LINGO2: variants seen among roughly 807,000 people sequenced by gnomAD.
LINGO2 encodes leucine-rich repeat and immunoglobulin-like domain-containing nogo receptor-interacting protein 2.
Under a neutral mutation model 30.6 loss-of-function variants are expected in LINGO2, and 14 were observed. The observed-to-expected ratio is 0.46, with a 90% CI of 0.30 to 0.72. The LOEUF (loss-of-function observed/expected upper bound fraction) is 0.72, where lower values mean the gene tolerates loss of function less well. Among genes scored for constraint, LINGO2 ranks in the 30% least tolerant of loss-of-function variants. The probability of loss-of-function intolerance (pLI) is 0.07; values close to 1 mark genes in which losing one functional copy is unlikely to be tolerated. For synonymous variants in LINGO2, 317 were observed against 288.5 expected (o/e 1.10, Z -1.00); for missense variants, 729 against 751.7 (o/e 0.97, Z 0.35).
chr9:28,628,376 T>G (rs983336531), intron 1 of LINGO2, among the ~76,000 whole-genome samples: 3 of 152,052 alleles, frequency 2.0e-5, no homozygotes, highest in Admixed American at 2.0e-4. Flanking sequence ...TTGCAGACAA[T>G]AAATTCACAT....
chr9:29,089,884 G>A, the LINGO2 span, among the ~76,000 whole-genome samples: 2 of 151,884 alleles, frequency 1.3e-5, no homozygotes, highest in Admixed American at 1.3e-4. Flanking sequence ...GTGAGAAAAA[G>A]GAATTTTCTG....
chr9:28,696,438 C>T, the LINGO2 span, among the ~76,000 whole-genome samples: 1 of 151,848 alleles, frequency 6.6e-6, no homozygotes, highest in East Asian at 1.9e-4. Context: ...ACATTCATTC[C>T]AAACCTACAG....
chr9:28,517,122 A>G (rs1820647953), intron 1 of LINGO2, among the ~76,000 whole-genome samples: 1 of 152,194 alleles, frequency 6.6e-6, no homozygotes, highest in Non-Finnish European at 1.5e-5. Flanking sequence ...AAGTAAGAAC[A>G]CTGTGATTCT....
intron 1 of LINGO2, among the ~76,000 whole-genome samples, chr9:28,539,965 C>T (rs575056911): frequency 6.6e-6 from 1 of 152,204 alleles, no homozygotes; most frequent in Admixed American, 6.6e-5. Flanking sequence ...ACAGGATGCC[C>T]GAGTCATTTA....
At chr9:28,878,711 C>T in the LINGO2 span, among the ~76,000 whole-genome samples, 1 of 151,800 alleles carries the variant, frequency 6.6e-6, no homozygotes, top group Non-Finnish European at 1.5e-5. Flanking sequence ...TGTAATCCAG[C>T]ATATAAACAG....
chr9:28,055,158 T>C (rs562387089), intron 4 of LINGO2, among the ~76,000 whole-genome samples: 21 of 152,316 alleles, frequency 1.4e-4, no homozygotes, highest in African/African-American at 5.0e-4. Flanking sequence ...GTTTTCCTTG[T>C]GGTTTATCCT....
At chr9:27,940,124 T>A in the LINGO2 span, 1 of 152,136 alleles carries the variant, frequency 6.6e-6, no homozygotes, top group Non-Finnish European at 1.5e-5. Flanking sequence ...TCCACCTGCC[T>A]TATCTTTTTT....
At chr9:28,767,797 A>ATTACAAATTATTTTCTTTC in the LINGO2 span, among the ~76,000 whole-genome samples, 1 of 150,348 alleles carries the variant, frequency 6.7e-6, no homozygotes, top group Non-Finnish European at 1.5e-5. Context: ...AAAAAAAAAA[A>ATTACAAATTATTTTCTTTC]AAAAAAAAAA....
intron 2 of LINGO2, among the ~76,000 whole-genome samples, chr9:28,399,988 G>T (rs990821367): frequency 4.6e-5 from 7 of 152,030 alleles, no homozygotes; most frequent in Non-Finnish European, 1.5e-5. Context: ...AATGGTCTAT[G>T]GTGTCCAAAA....
At chr9:28,450,407 G>C (rs932950103) in intron 2 of LINGO2, among the ~76,000 whole-genome samples, 3 of 152,070 alleles carry the variant, frequency 2.0e-5, no homozygotes, top group African/African-American at 7.2e-5. Context: ...GTGAAAAAGA[G>C]TGGGCTTTTG....
intron 5 of LINGO2, among the ~76,000 whole-genome samples, chr9:27,989,283 A>C (rs1269829673): frequency 2.0e-5 from 3 of 151,862 alleles, no homozygotes. Context: ...ACTACCTGGA[A>C]TTTTACTGTA....
chr9:28,525,544 A>T (rs1031271621), intron 1 of LINGO2, among the ~76,000 whole-genome samples: 2 of 152,294 alleles, frequency 1.3e-5, no homozygotes, highest in Admixed American at 1.3e-4. Context: ...ACATTATGCT[A>T]AGTAAAAGAA....
intron 3 of LINGO2, among the ~76,000 whole-genome samples, chr9:28,307,599 G>A (rs1357537008): frequency 6.6e-6 from 1 of 152,164 alleles, no homozygotes; most frequent in Non-Finnish European, 1.5e-5. Flanking sequence ...GCAGGAGAAG[G>A]AAATAAAGGG....
the LINGO2 span, among the ~76,000 whole-genome samples, chr9:29,102,158 T>C: frequency 6.6e-6 from 1 of 151,912 alleles, no homozygotes; most frequent in East Asian, 1.9e-4. Flanking sequence ...TTTGGCTCAC[T>C]ACAAGCTCCG....
At chr9:29,127,127 G>A in the LINGO2 span, among the ~76,000 whole-genome samples, 5 of 152,022 alleles carry the variant, frequency 3.3e-5, no homozygotes, top group Non-Finnish European at 4.4e-5. Flanking sequence ...AGTAACCAAC[G>A]GGAAACCTCT....
intron 4 of LINGO2, among the ~76,000 whole-genome samples, chr9:28,227,716 A>G (rs1364065421): frequency 6.6e-6 from 1 of 152,070 alleles, no homozygotes; most frequent in Non-Finnish European, 1.5e-5. Flanking sequence ...ATGAAGTTGC[A>G]AACAGATTTT....
chr9:29,197,087 T>C, the LINGO2 span, among the ~76,000 whole-genome samples: 1 of 152,100 alleles, frequency 6.6e-6, no homozygotes, highest in Non-Finnish European at 1.5e-5. Context: ...ACCAAAGTGT[T>C]GGAATTTTAC....
chr9:28,682,564 C>T, the LINGO2 span, among the ~76,000 whole-genome samples: 1,404 of 151,850 alleles, frequency 9.2e-3, 21 homozygotes, highest in African/African-American at 0.033. Flanking sequence ...TTCATTTTGC[C>T]AGGTACTTTT....
chr9:28,780,956 A>T, the LINGO2 span, among the ~76,000 whole-genome samples: 2 of 151,920 alleles, frequency 1.3e-5, no homozygotes, highest in South Asian at 4.2e-4. Context: ...AGAGAGTAGG[A>T]AATTACAGTA....
Sources: gnomAD v4.1 joint callset for allele counts (sites outside exome capture counted in the v4.1 genomes callset) on GRCh38, gnomAD v4.1.1 for gene constraint, MANE v1.5 for transcripts, NCBI Gene and HGNC (gene_info 2026-07-23, HGNC 2026-07-21) for gene names.